The following FERMT1 variants were observed in gnomAD, a reference collection of about 807,000 sequenced individuals.
FERMT1 encodes the protein fermitin family homolog 1.
In FERMT1, 60 loss-of-function variants were observed where a neutral mutation model predicts 85.3. That is an observed-to-expected ratio of 0.70 (90% CI 0.57 to 0.87). FERMT1 has a LOEUF of 0.87. FERMT1 is among the 40% of genes least tolerant of loss of function. The pLI is 0.00. For synonymous variants in FERMT1, 275 were observed against 301.1 expected, an observed-to-expected ratio of 0.91 and a Z score of 0.90; for missense variants, 701 against 818.9, an observed-to-expected ratio of 0.86 and a Z score of 1.76.
Position 6,077,274 on chromosome 20 carries a change from C to T in FERMT1, c.1933G>A (p.Glu645Lys), listed in dbSNP as rs534816401. ...CLSADCKIVHEYIGGYIFLST... is the reference protein window; with the variant it reads ...CLSADCKIVHKYIGGYIFLST... ...AAGAAAATGTAGCCGCCAATGTACT[C>T]GTGCACAATCTTGCAATCTGCACTC... The change falls in exon 15 of 15, where the codon GAG (glutamate) becomes AAG (lysine). Residue 645 changes from glutamate to lysine, a missense_variant. Coordinates refer to ENST00000217289, the MANE Select transcript of FERMT1 (RefSeq NM_017671.5). 4.3e-6 allele frequency: 7 copies of T among 1,614,166 alleles called. No individual in the cohort carries two copies. The highest frequency in any genetic ancestry group is 3.3e-5 in the South Asian group (3 of 91,082).
intron 2 of FERMT1, 113 bp downstream of exon 2, chr20:6,119,291 G>T (rs1299636957): frequency 1.9e-6 from 2 of 1,074,122 alleles, no homozygotes; most frequent in Non-Finnish European, 1.4e-6. Context: ...GTGGGGGATT[G>T]CTCTCCAGGG....
intron 14 of FERMT1, 41 bp from the exon 15 acceptor site, chr20:6,077,387 GA>G: frequency 6.2e-7 from 1 of 1,606,344 alleles, no homozygotes; most frequent in Non-Finnish European, 8.5e-7. Context: ...CTCTGACAAG[GA>G]ATGATGAAAA....
chr20:6,083,705 A>C (rs61415366), intron 13 of FERMT1, among the ~76,000 whole-genome samples: 1,093 of 105,722 alleles, frequency 0.01, 15 homozygotes, highest in East Asian at 0.064. Context: ...AAAAAAAAAA[A>C]CAAAAAAAAA....
intron 2 of FERMT1, 59 bp downstream of exon 2, chr20:6,119,345 T>C (rs1265576949): frequency 6.6e-7 from 1 of 1,525,332 alleles, no homozygotes; most frequent in East Asian, 2.2e-5. Context: ...CAGCCATTAG[T>C]GGTGATGCAC....
chr20:6,090,406 T>C (rs1982323968), intron 9 of FERMT1, among the ~76,000 whole-genome samples: 1 of 152,032 alleles, frequency 6.6e-6, no homozygotes, highest in Non-Finnish European at 1.5e-5. Flanking sequence ...AGTACTAGTC[T>C]TTCCTTAGCT....
chr20:6,110,958 A>G (rs952218247), intron 4 of FERMT1, among the ~76,000 whole-genome samples: 5 of 152,154 alleles, frequency 3.3e-5, no homozygotes, highest in Non-Finnish European at 7.3e-5. Context: ...TGTTTTTTAG[A>G]CGGAGTCTCA....
intron 5 of FERMT1, among the ~76,000 whole-genome samples, chr20:6,108,654 G>A (rs1322917282): frequency 1.3e-5 from 2 of 151,814 alleles, no homozygotes; most frequent in African/African-American, 2.4e-5. Context: ...TACTAAAAAC[G>A]CAAAAATTAG....
chr20:6,089,108 T>G lies in FERMT1; in HGVS notation c.1140-19A>C. ...CTTGGGCCTGCAAATTCAAAGATAG[T>G]GAATGTTTAAACCACCACCCAGAAA... On this transcript the variant is annotated intron_variant, in intron 9 of 14. Transcript: ENST00000217289. The G allele has an allele frequency of 5.0e-6, 8 of 1,608,642 alleles. No individual in the cohort carries two copies. The highest frequency in any genetic ancestry group is 6.8e-6 in the Non-Finnish European group (8 of 1,176,298).
At chr20:6,098,936 C>T (rs1168930619) in intron 6 of FERMT1, among the ~76,000 whole-genome samples, 2 of 152,206 alleles carry the variant, frequency 1.3e-5, no homozygotes, top group Admixed American at 6.5e-5. Context: ...TATAATCCAT[C>T]AATCCTACTC....
chr20:6,075,247 G>A lies in FERMT1; in HGVS notation c.*1926C>T, dbSNP rs182415956. 1.3e-5 allele frequency: 2 copies of A among 152,274 alleles called. No individual in the cohort carries two copies. Among genetic ancestry groups the A allele is most frequent in the African/African-American group, 4.8e-5 (2 of 41,502 alleles). 9.4% of individuals were successfully genotyped at this position (152,274 alleles called of 1,614,324 possible). Reference sequence around the variant, plus strand: ...CTGAAGGTCTGGCTTTGGTAAATTAGGCAGAGATGTTCTCAGCAGCAAACA... The same window carrying A: ...CTGAAGGTCTGGCTTTGGTAAATTAAGCAGAGATGTTCTCAGCAGCAAACA... On this transcript the variant is annotated 3_prime_UTR_variant, in exon 15 of 15. Coordinates refer to ENST00000217289, the MANE Select transcript of FERMT1 (RefSeq NM_017671.5).
chr20:6,084,256 C>G, intron 12 of FERMT1, 92 bp from the exon 13 acceptor site: 1 of 1,398,036 alleles, frequency 7.2e-7, no homozygotes, highest in Non-Finnish European at 9.9e-7. Context: ...GAACAATACA[C>G]TCAAGGTCCG....
chr20:6,086,553 T>C (rs1262144889), intron 11 of FERMT1, among the ~76,000 whole-genome samples: 1 of 152,214 alleles, frequency 6.6e-6, no homozygotes, highest in African/African-American at 2.4e-5. Flanking sequence ...TCACTGCCCC[T>C]GATAAGGTTT....
chr20:6,077,041 A>T lies in FERMT1; in HGVS notation c.*132T>A. On this transcript the variant is annotated 3_prime_UTR_variant, in exon 15 of 15. Transcript: ENST00000217289. ...GTGCCAGCAGTGGGTTTGAATGAGGATCTGGGTGACCAGCGGTGAATGTAT... is the reference window on the plus strand; with the variant it reads ...GTGCCAGCAGTGGGTTTGAATGAGGTTCTGGGTGACCAGCGGTGAATGTAT... The T allele has an allele frequency of 2.2e-6, 2 of 920,474 alleles. No homozygotes were observed. Among genetic ancestry groups the T allele is most frequent in the Non-Finnish European group, 1.8e-6 (1 of 562,892 alleles). 57.0% of individuals were successfully genotyped at this position (920,474 alleles called of 1,614,324 possible).
intron 3 of FERMT1, 86 bp from the exon 4 acceptor site, chr20:6,112,709 C>A (rs1208582156): frequency 1.0e-6 from 1 of 990,720 alleles, no homozygotes; most frequent in Non-Finnish European, 1.4e-6. Context: ...CATTTAAAAT[C>A]ATTTCTCAGG....
At position 6,079,297 on chromosome 20, in the gene FERMT1, A is replaced by G. The variant is rs1981926649; in HGVS notation, c.1860+139T>C. The stretch of plus-strand genomic sequence containing the variant: ...GCCCAGAATTGCATATGATGATTTT[A>G]GCAGACAGACAGTTACCATATGCTT... On this transcript the variant is annotated intron_variant, in intron 14 of 14. Transcript: ENST00000217289. 8 of 949,704 alleles carry G rather than the reference A, an allele frequency of 8.4e-6. No homozygotes were observed. In the Admixed American group the frequency reaches 1.2e-4, roughly 15 times the overall value. 58.8% of individuals were successfully genotyped at this position (949,704 alleles called of 1,614,324 possible).
intron 3 of FERMT1, among the ~76,000 whole-genome samples, chr20:6,113,229 C>T (rs1600447770): frequency 6.6e-6 from 1 of 152,204 alleles, no homozygotes; most frequent in Non-Finnish European, 1.5e-5. Context: ...TGACTTGCTC[C>T]TCCTTGCCTT....
In FERMT1 at chr20:6,117,435, A is replaced by AT. The variant is rs200977686; in HGVS notation, c.152-1392dup. Among the ~76,000 whole-genome samples the AT allele has an allele frequency of 1.4e-3, 169 of 124,760 alleles. 1 individual carries two copies. The East Asian group carries it at 0.025, about 19-fold the overall frequency. 81.8% of individuals were successfully genotyped at this position (124,760 alleles called of 152,430 possible). On this transcript the variant is annotated intron_variant, in intron 2 of 14. Coordinates refer to ENST00000217289, the MANE Select transcript of FERMT1 (RefSeq NM_017671.5). ...AGGTGCGCACCACCATGTCAGTCTA[A>AT]TTTTTTTTTTTTTTTTGAGATGGAG...
chr20:6,095,722 C>T (rs571868677), intron 8 of FERMT1, among the ~76,000 whole-genome samples: 26 of 152,300 alleles, frequency 1.7e-4, no homozygotes, highest in African/African-American at 6.0e-4. Flanking sequence ...GTTCATGGGG[C>T]CTATGTCTTC....
chr20:6,099,420 G>A lies in FERMT1; in HGVS notation c.850-1789C>T, dbSNP rs867434629. On this transcript the variant is annotated intron_variant, in intron 6 of 14. Coordinates refer to ENST00000217289, the MANE Select transcript of FERMT1 (RefSeq NM_017671.5). The stretch of plus-strand genomic sequence containing the variant: ...GACTGTCTCGAAAAAAAAAAAAAAA[G>A]GAATTAAATTCTGATACTTGATACA... 5.6e-3 allele frequency among the ~76,000 whole-genome samples: 786 copies of A among 141,326 alleles called. 6 individuals carry two copies. The highest frequency in any genetic ancestry group is 0.018 in the African/African-American group (676 of 37,760). 92.7% of individuals were successfully genotyped at this position (141,326 alleles called of 152,430 possible).
Sources: allele counts gnomAD v4.1 joint callset (sites outside exome capture counted in the v4.1 genomes callset), GRCh38; gene constraint gnomAD v4.1.1; transcripts MANE v1.5; gene names NCBI Gene and HGNC (gene_info 2026-07-23, HGNC 2026-07-21).